TECPR2: variants seen among roughly 807,000 people sequenced by gnomAD.
TECPR2 encodes the protein tectonin beta-propeller repeat containing 2, also known as tectonin beta-propeller repeat-containing protein 2.
A neutral mutation model predicts 138.1 loss-of-function variants in TECPR2; 65 were observed. The observed-to-expected ratio is 0.47, with a 90% CI of 0.39 to 0.58. TECPR2 has a LOEUF of 0.58. Among genes scored for constraint, TECPR2 ranks in the 20% least tolerant of loss-of-function variants. The pLI is 0.00. For synonymous variants in TECPR2, 746 were observed against 749.8 expected, an observed-to-expected ratio of 0.99 and a Z score of 0.08; for missense variants, 1,553 against 1,824.5, an observed-to-expected ratio of 0.85 and a Z score of 2.71.
At chr14:102,374,094 AGAAAT>A (rs1332533568) in intron 1 of TECPR2, among the ~76,000 whole-genome samples, 4 of 151,648 alleles carry the variant, frequency 2.6e-5, no homozygotes, top group Admixed American at 6.6e-5. Context: ...AAAAAAGAAA[AGAAAT>A]AGAATCTAAA....
chr14:102,471,470 G>A (rs532368984), intron 17 of TECPR2, among the ~76,000 whole-genome samples: 1 of 151,850 alleles, frequency 6.6e-6, no homozygotes, highest in African/African-American at 2.4e-5. Flanking sequence ...TTGGAAGGTT[G>A]AGGCAGGAAG....
At chr14:102,482,690 ATGTC>A (rs1890919068) in intron 17 of TECPR2, among the ~76,000 whole-genome samples, 3 of 152,088 alleles carry the variant, frequency 2.0e-5, no homozygotes, top group Admixed American at 6.6e-5. Flanking sequence ...GAGGTATTGC[ATGTC>A]TGAAAAGTCT....
At chr14:102,370,671 G>A (rs1887480814) in intron 1 of TECPR2, among the ~76,000 whole-genome samples, 1 of 152,236 alleles carries the variant, frequency 6.6e-6, no homozygotes. Context: ...GGGGACCACT[G>A]CAGAGTGTTA....
At chr14:102,444,852 G>A (rs1889927285) in intron 12 of TECPR2, among the ~76,000 whole-genome samples, 1 of 152,180 alleles carries the variant, frequency 6.6e-6, no homozygotes, top group East Asian at 1.9e-4. Context: ...GGCTGAGGCA[G>A]GAGAATCACT....
At chr14:102,430,472 A>G (rs1889440352) in intron 7 of TECPR2, among the ~76,000 whole-genome samples, 2 of 152,272 alleles carry the variant, frequency 1.3e-5, no homozygotes, top group East Asian at 3.9e-4. Context: ...CATGCCCTCA[A>G]TAGAATGTGG....
At chr14:102,469,601 A>G (rs1176938926) in intron 17 of TECPR2, among the ~76,000 whole-genome samples, 2 of 152,178 alleles carry the variant, frequency 1.3e-5, no homozygotes, top group Non-Finnish European at 2.9e-5. Context: ...TTCTAGTAAA[A>G]TGTTGAGTAG....
chr14:102,454,937 C>T (rs1224857329), intron 16 of TECPR2, among the ~76,000 whole-genome samples: 6 of 152,220 alleles, frequency 3.9e-5, no homozygotes, highest in Non-Finnish European at 8.8e-5. Flanking sequence ...CTGCCTGGGC[C>T]TCCTGCCTCC....
At chr14:102,473,639 C>G (rs991599094) in intron 17 of TECPR2, among the ~76,000 whole-genome samples, 2 of 152,102 alleles carry the variant, frequency 1.3e-5, no homozygotes, top group African/African-American at 4.8e-5. Flanking sequence ...GGGAAGATAC[C>G]CCTCCTGTAG....
At chr14:102,489,180 C>G (rs769716652) in intron 17 of TECPR2, among the ~76,000 whole-genome samples, 1 of 152,218 alleles carries the variant, frequency 6.6e-6, no homozygotes, top group South Asian at 2.1e-4. Context: ...CTGTGCCCAA[C>G]CTAGTTCCAG....
chr14:102,482,697 A>G (rs1890919388), intron 17 of TECPR2, among the ~76,000 whole-genome samples: 1 of 152,100 alleles, frequency 6.6e-6, no homozygotes, highest in Non-Finnish European at 1.5e-5. Context: ...TGCATGTCTG[A>G]AAAGTCTTTC....
chr14:102,486,157 G>C (rs1019778734), intron 17 of TECPR2, among the ~76,000 whole-genome samples: 5 of 152,214 alleles, frequency 3.3e-5, no homozygotes, highest in Non-Finnish European at 7.3e-5. Context: ...ACTGGAGTCA[G>C]TGCAGAAGGA....
intron 17 of TECPR2, among the ~76,000 whole-genome samples, chr14:102,468,380 G>A (rs778660619): frequency 1.1e-4 from 17 of 151,882 alleles, no homozygotes; most frequent in Non-Finnish European, 2.1e-4. Flanking sequence ...TAGAGATGGG[G>A]GTTTCACCAT....
At chr14:102,460,942 G>T (rs559912031) in intron 16 of TECPR2, among the ~76,000 whole-genome samples, 1 of 151,970 alleles carries the variant, frequency 6.6e-6, no homozygotes, top group South Asian at 2.1e-4. Flanking sequence ...TGATCCACCC[G>T]CCTCAGCCTC....
chr14:102,435,588 G>A (rs1032862988), intron 9 of TECPR2, among the ~76,000 whole-genome samples: 4 of 152,214 alleles, frequency 2.6e-5, no homozygotes, highest in African/African-American at 9.6e-5. Flanking sequence ...CTGTGGAGTA[G>A]AGAAAGCTCT....
chr14:102,411,729 A>AAAAAAAAAAAAAAAT (rs1888875961), intron 4 of TECPR2, among the ~76,000 whole-genome samples: 1 of 132,376 alleles, frequency 7.6e-6, no homozygotes. Flanking sequence ...AAAAAAAAAA[A>AAAAAAAAAAAAAAAT]AAGAAGATGG....
rs574827028 is a variant in TECPR2 at position 102,494,625 on chromosome 14, C to G, written c.3790-2354C>G. ...GGCGGATCACCTGAGGTCAGGAGTTCGAGAGCAGCCTCAACATGGAGAAAC... is the reference window on the plus strand; with the variant it reads ...GGCGGATCACCTGAGGTCAGGAGTTGGAGAGCAGCCTCAACATGGAGAAAC... On this transcript the variant is annotated intron_variant, in intron 17 of 19. Transcript: ENST00000359520. Among the ~76,000 whole-genome samples the G allele has an allele frequency of 2.7e-5, 4 of 150,528 alleles. No individual in the cohort carries two copies. In the East Asian group the frequency reaches 5.9e-4, roughly 22 times the overall value.
intron 16 of TECPR2, 81 bp downstream of exon 16, chr14:102,452,708 C>A: frequency 8.3e-7 from 1 of 1,210,752 alleles, no homozygotes; most frequent in Non-Finnish European, 1.2e-6. Flanking sequence ...GACAAAACTG[C>A]CCGGCCTGTG....
chr14:102,484,758 A>T (rs571430951), intron 17 of TECPR2, among the ~76,000 whole-genome samples: 51 of 152,196 alleles, frequency 3.4e-4, no homozygotes, highest in Non-Finnish European at 5.9e-4. Flanking sequence ...TCCTGTGTTC[A>T]AGCAATTCTC....
intron 5 of TECPR2, among the ~76,000 whole-genome samples, chr14:102,416,352 C>G (rs1451255755): frequency 6.6e-6 from 1 of 152,156 alleles, no homozygotes; most frequent in East Asian, 1.9e-4. Flanking sequence ...AACTCCCGAC[C>G]TCAGGTGATC....
Sources: gnomAD v4.1 joint callset for allele counts (sites outside exome capture counted in the v4.1 genomes callset) on GRCh38, gnomAD v4.1.1 for gene constraint, MANE v1.5 for transcripts, NCBI Gene and HGNC (gene_info 2026-07-23, HGNC 2026-07-21) for gene names.